MTMR8: variants seen among roughly 807,000 people sequenced by gnomAD.
MTMR8 encodes phosphatidylinositol-3,5-bisphosphate 3-phosphatase MTMR8.
Under a neutral mutation model 39.3 loss-of-function variants are expected in MTMR8, and 65 were observed. The observed-to-expected ratio is 1.65, with a 90% CI of 1.35 to 2.03. MTMR8 has a LOEUF of 2.03. MTMR8 is among the 30% of genes most tolerant of loss of function. The probability of loss-of-function intolerance (pLI) is 0.00; values close to 1 mark genes in which losing one functional copy is unlikely to be tolerated. For synonymous variants in MTMR8, 245 were observed against 185.2 expected (o/e 1.32, Z -2.62); for missense variants, 777 against 538.9 (o/e 1.44, Z -4.37).
intron 12 of MTMR8, chrX:64,305,521 G>T: frequency 2.7e-6 from 1 of 371,155 alleles, no homozygotes; most frequent in Non-Finnish European, 5.0e-6. Flanking sequence ...AAGTATGAAA[G>T]AGCATCATAA....
rs1160921617 is a variant in MTMR8, at chrX:64,301,414, GT to G, written c.1481+27357del. Among the ~76,000 whole-genome samples the G allele has an allele frequency of 4.8e-5, 5 of 105,056 alleles. No homozygotes were observed. In the East Asian group the frequency reaches 1.5e-3, roughly 32 times the overall value. 91.2% of individuals were successfully genotyped at this position (105,056 alleles called of 115,157 possible). A position where few individuals can be genotyped will look rare whatever the true frequency, so the allele number is the denominator to read the frequency against. On this transcript the variant is annotated intron_variant, in intron 12 of 13. Coordinates refer to ENST00000374852, the MANE Select transcript of MTMR8 (RefSeq NM_017677.4). The stretch of plus-strand genomic sequence containing the variant: ...TTCTTCACGTAGTTCTCGAGCCTTG[GT>G]TTTCAGCTCCATCAGCTCCTTTAAG...
intron 10 of MTMR8, among the ~76,000 whole-genome samples, chrX:64,334,906 C>T (rs1302297732): frequency 9.0e-6 from 1 of 111,659 alleles, no homozygotes; most frequent in Non-Finnish European, 1.9e-5. Flanking sequence ...CATACTACAC[C>T]GTCATCACTG....
At chrX:64,326,743 T>A (rs1440859632) in intron 12 of MTMR8, among the ~76,000 whole-genome samples, 3 of 109,252 alleles carry the variant, frequency 2.7e-5, no homozygotes, top group Non-Finnish European at 3.8e-5. Flanking sequence ...TGAGGCAAAC[T>A]TGTGGGGAAA....
rs930086273 is a variant in MTMR8, at chrX:64,335,667, ATAT to A, written c.1151+409_1151+411del. ...AAAGGTTAAAAGGTGCATTGTCTTG[ATAT>A]TAGTCCCTCTGAATGACCTCATCAT... On this transcript the variant is annotated intron_variant, in intron 10 of 13. Coordinates refer to ENST00000374852, the MANE Select transcript of MTMR8 (RefSeq NM_017677.4). 8.1e-5 allele frequency among the ~76,000 whole-genome samples: 9 copies of A among 111,614 alleles called. No individual in the cohort carries two copies. The South Asian group carries it at 1.2e-3, about 14-fold the overall frequency.
At chrX:64,333,614 G>T (rs1922998464) in intron 10 of MTMR8, among the ~76,000 whole-genome samples, 1 of 111,314 alleles carries the variant, frequency 9.0e-6, no homozygotes, top group Non-Finnish European at 1.9e-5. Flanking sequence ...AATATCTCCT[G>T]TCTTGAAATA....
At chrX:64,389,076 T>C (rs773816161) in intron 1 of MTMR8, among the ~76,000 whole-genome samples, 24 of 112,104 alleles carry the variant, frequency 2.1e-4, no homozygotes, top group Admixed American at 1.5e-3. Context: ...CTGGATGCTT[T>C]CTTTATATTT....
At chrX:64,353,471 G>T (rs909892148) in intron 4 of MTMR8, among the ~76,000 whole-genome samples, 6 of 111,897 alleles carry the variant, frequency 5.4e-5, no homozygotes, top group Admixed American at 9.5e-5. Flanking sequence ...ACACACAAAT[G>T]ACCAACAAGT....
chrX:64,290,063 G>A lies in MTMR8; in HGVS notation c.1482-18990C>T, dbSNP rs754432325. Among the ~76,000 whole-genome samples, 5 of 110,708 alleles carry A rather than the reference G, an allele frequency of 4.5e-5. No individual in the cohort carries two copies. In the East Asian group the frequency reaches 1.1e-3, roughly 25 times the overall value. ...AATAGGTAGGGTTTCAGATGAAAAA[G>A]TTCTAAAGATTGACCTAACACTACT... On this transcript the variant is annotated intron_variant, in intron 12 of 13. Transcript: ENST00000374852.
intron 4 of MTMR8, among the ~76,000 whole-genome samples, chrX:64,352,318 C>T (rs1049144644): frequency 1.8e-5 from 2 of 111,510 alleles, no homozygotes; most frequent in Non-Finnish European, 3.8e-5. Flanking sequence ...TTGACTTTGT[C>T]CCCTGAACCT....
At chrX:64,305,975 G>T (rs1462085562) in intron 12 of MTMR8, 5 of 195,155 alleles carry the variant, frequency 2.6e-5, no homozygotes, top group Non-Finnish European at 4.8e-5. Flanking sequence ...ATTTAGCTGG[G>T]TGTGGTGGCA....
intron 12 of MTMR8, among the ~76,000 whole-genome samples, chrX:64,276,820 A>C (rs1352026163): frequency 1.4e-4 from 15 of 109,335 alleles, no homozygotes; most frequent in Non-Finnish European, 1.9e-5. Flanking sequence ...GCTGAGTTCA[A>C]GTCTCATTGA....
intron 1 of MTMR8, among the ~76,000 whole-genome samples, chrX:64,387,303 C>CA (rs1569234383): frequency 9.0e-6 from 1 of 111,022 alleles, no homozygotes; most frequent in African/African-American, 3.3e-5. Context: ...AGATGCTCAA[C>CA]AAGAGGAAAA....
chrX:64,312,361 G>C (rs1245724627), intron 12 of MTMR8, among the ~76,000 whole-genome samples: 3 of 111,781 alleles, frequency 2.7e-5, no homozygotes, highest in Admixed American at 1.9e-4. Flanking sequence ...TTTGCATCCT[G>C]AGACTTTGCT....
At chrX:64,335,678 T>C (rs1350242031) in intron 10 of MTMR8, among the ~76,000 whole-genome samples, 1 of 111,670 alleles carries the variant, frequency 9.0e-6, no homozygotes, top group Non-Finnish European at 1.9e-5. Context: ...TATTAGTCCC[T>C]CTGAATGACC....
At chrX:64,335,378 C>T (rs995310689) in intron 10 of MTMR8, among the ~76,000 whole-genome samples, 3 of 111,790 alleles carry the variant, frequency 2.7e-5, no homozygotes, top group Admixed American at 9.4e-5. Flanking sequence ...GCGATTTGCC[C>T]GCCTTGGCCT....
intron 12 of MTMR8, among the ~76,000 whole-genome samples, chrX:64,285,168 C>A (rs781078114): frequency 7.2e-5 from 8 of 111,272 alleles, no homozygotes; most frequent in Non-Finnish European, 1.3e-4. Context: ...GCAGGGTTTG[C>A]AATCCTAGTC....
intron 1 of MTMR8, among the ~76,000 whole-genome samples, chrX:64,392,299 TC>T (rs1260718900): frequency 4.5e-5 from 5 of 111,937 alleles, no homozygotes; most frequent in Non-Finnish European, 9.4e-5. Flanking sequence ...AACTGGAAAT[TC>T]CCCATCAACA....
chrX:64,291,274 C>T (rs1039861890), intron 12 of MTMR8, among the ~76,000 whole-genome samples: 6 of 110,710 alleles, frequency 5.4e-5, no homozygotes, highest in Non-Finnish European at 7.6e-5. Context: ...TTGCATACCC[C>T]ACAAAACTGC....
At chrX:64,353,069 T>C (rs757973155) in intron 4 of MTMR8, among the ~76,000 whole-genome samples, 24 of 111,687 alleles carry the variant, frequency 2.1e-4, no homozygotes, top group African/African-American at 6.5e-5. Context: ...GTTCAGTCAT[T>C]TTCAACAAAG....
Sources: allele counts gnomAD v4.1 joint callset (sites outside exome capture counted in the v4.1 genomes callset), GRCh38; gene constraint gnomAD v4.1.1; transcripts MANE v1.5; gene names NCBI Gene and HGNC (gene_info 2026-07-23, HGNC 2026-07-21).